The following CALN1 variants were observed in gnomAD, a reference collection of about 807,000 sequenced individuals.
CALN1 encodes calcium-binding protein 8.
In CALN1, 17 loss-of-function variants were observed where a neutral mutation model predicts 30.6. That is an observed-to-expected ratio of 0.56 (90% CI 0.38 to 0.83). The LOEUF (loss-of-function observed/expected upper bound fraction) is 0.83, where lower values mean the gene tolerates loss of function less well. Ranked by LOEUF, CALN1 falls within the 40% of genes least tolerant of loss-of-function variation. The probability of loss-of-function intolerance (pLI) is 0.00; values close to 1 mark genes in which losing one functional copy is unlikely to be tolerated. For missense variants in CALN1, 291 were observed against 354.9 expected, an observed-to-expected ratio of 0.82 and a Z score of 1.45; for synonymous variants, 156 against 131.4, an observed-to-expected ratio of 1.19 and a Z score of -1.28.
At chr7:72,162,523 C>A (rs1788182830) in intron 3 of CALN1, among the ~76,000 whole-genome samples, 1 of 151,648 alleles carries the variant, frequency 6.6e-6, no homozygotes, top group South Asian at 2.1e-4. Flanking sequence ...CACTTGAGGA[C>A]AGGAGTTCGA....
chr7:71,963,305 G>A (rs573118961), intron 5 of CALN1, among the ~76,000 whole-genome samples: 1 of 152,196 alleles, frequency 6.6e-6, no homozygotes, highest in East Asian at 1.9e-4. Flanking sequence ...TGGGATTACA[G>A]GTGCACGCCA....
At chr7:72,015,645 T>C (rs1800336228) in intron 5 of CALN1, among the ~76,000 whole-genome samples, 1 of 152,130 alleles carries the variant, frequency 6.6e-6, no homozygotes, top group Non-Finnish European at 1.5e-5. Flanking sequence ...GGTTTTGCTA[T>C]GTTGCCCATA....
intron 4 of CALN1, among the ~76,000 whole-genome samples, chr7:72,036,700 GAT>G (rs1801819283): frequency 6.6e-6 from 1 of 152,012 alleles, no homozygotes; most frequent in African/African-American, 2.4e-5. Flanking sequence ...TCTCTTTACT[GAT>G]ATAAACTTAC....
chr7:71,937,317 AAAC>A (rs1336955859), intron 5 of CALN1, among the ~76,000 whole-genome samples: 5 of 151,984 alleles, frequency 3.3e-5, no homozygotes, highest in African/African-American at 9.7e-5. Flanking sequence ...TCTCAAAACA[AAAC>A]AACACCAAAA....
At chr7:71,857,918 T>C (rs1185098952) in intron 5 of CALN1, among the ~76,000 whole-genome samples, 2 of 152,192 alleles carry the variant, frequency 1.3e-5, no homozygotes, top group Admixed American at 6.5e-5. Context: ...TCTATATTTC[T>C]ATTATCAAGG....
intron 5 of CALN1, among the ~76,000 whole-genome samples, chr7:71,987,927 C>T (rs1168849720): frequency 6.6e-6 from 1 of 152,158 alleles, no homozygotes; most frequent in East Asian, 1.9e-4. Context: ...TGAGACCTCA[C>T]TCCTCGAATC....
intron 3 of CALN1, among the ~76,000 whole-genome samples, chr7:72,112,741 G>T (rs906917194): frequency 6.6e-6 from 1 of 152,182 alleles, no homozygotes; most frequent in African/African-American, 2.4e-5. Context: ...GCTGTGCCAG[G>T]ATAGATAAGT....
At position 72,359,321 on chromosome 7, in the gene CALN1, AAC is replaced by A. The variant is rs1205666203; in HGVS notation, c.119+43928_119+43929del. Among the ~76,000 whole-genome samples, 10 of 152,180 alleles carry A rather than the reference AAC, an allele frequency of 6.6e-5. No individual in the cohort carries two copies. The East Asian group carries it at 1.9e-3, about 29-fold the overall frequency. On this transcript the variant is annotated intron_variant, in intron 2 of 6. Coordinates refer to ENST00000395275, the MANE Select transcript of CALN1 (RefSeq NM_031468.4). ...TCCAATGTGAAAAACAATATTCAATAACACATCTCCCTCCCCGTTTCGTCTTC... is the reference window on the plus strand; with the variant it reads ...TCCAATGTGAAAAACAATATTCAATAACATCTCCCTCCCCGTTTCGTCTTC...
intron 3 of CALN1, among the ~76,000 whole-genome samples, chr7:72,249,959 A>AG (rs1554337555): frequency 2.0e-5 from 3 of 147,666 alleles, no homozygotes; most frequent in Non-Finnish European, 4.5e-5. Context: ...AAAAAAAAAA[A>AG]AGAGAGAGAG....
intron 1 of CALN1, among the ~76,000 whole-genome samples, chr7:72,411,124 T>C (rs1807108432): frequency 6.6e-6 from 1 of 151,986 alleles, no homozygotes. Flanking sequence ...AGAGCCTATT[T>C]ATAAGAGCAA....
chr7:72,209,218 C>G (rs1585170169), intron 3 of CALN1, among the ~76,000 whole-genome samples: 3 of 104,880 alleles, frequency 2.9e-5, no homozygotes, highest in South Asian at 3.4e-4. Flanking sequence ...CCTTCCTTCC[C>G]TCCTTCCCTC....
chr7:72,409,550 G>A (rs557530723), intron 1 of CALN1, among the ~76,000 whole-genome samples: 14 of 151,770 alleles, frequency 9.2e-5, no homozygotes, highest in East Asian at 2.0e-4. Context: ...CAACCAATCT[G>A]GTGCATGGGT....
At chr7:72,270,939 A>C (rs1447239293) in intron 3 of CALN1, among the ~76,000 whole-genome samples, 1 of 152,204 alleles carries the variant, frequency 6.6e-6, no homozygotes, top group Non-Finnish European at 1.5e-5. Context: ...GGAAGTGGAA[A>C]CTTGACCCAA....
At chr7:72,362,617 CTT>C (rs1160795854) in intron 2 of CALN1, among the ~76,000 whole-genome samples, 1 of 152,206 alleles carries the variant, frequency 6.6e-6, no homozygotes, top group Non-Finnish European at 1.5e-5. Flanking sequence ...ATCTCACACT[CTT>C]TTACCGCAAG....
chr7:72,205,582 A>ATATATATATATATATATATATATATG (rs1554319695), intron 3 of CALN1, among the ~76,000 whole-genome samples: 1 of 132,692 alleles, frequency 7.5e-6, no homozygotes. Context: ...ATATATATAT[A>ATATATATATATATATATATATATATG]TATATTCAGG....
intron 3 of CALN1, among the ~76,000 whole-genome samples, chr7:72,179,311 TTC>T (rs1334459785): frequency 6.6e-6 from 1 of 152,216 alleles, no homozygotes; most frequent in East Asian, 1.9e-4. Context: ...AGATTAAAAG[TTC>T]TTTTTTAAAT....
At chr7:71,817,759 C>A (rs1418071276) in intron 5 of CALN1, among the ~76,000 whole-genome samples, 1 of 152,184 alleles carries the variant, frequency 6.6e-6, no homozygotes. Context: ...TGTAATCCAC[C>A]TGCCTTGGCC....
intron 5 of CALN1, among the ~76,000 whole-genome samples, chr7:71,842,762 C>A (rs969561651): frequency 2.0e-5 from 3 of 152,196 alleles, no homozygotes; most frequent in African/African-American, 7.2e-5. Context: ...ACTATTAGTA[C>A]TTCCATAAGT....
chr7:72,224,941 A>C (rs1793563803), intron 3 of CALN1, among the ~76,000 whole-genome samples: 1 of 151,676 alleles, frequency 6.6e-6, no homozygotes, highest in Non-Finnish European at 1.5e-5. Context: ...ACACACACAA[A>C]AAAAAAATTA....
Sources: gnomAD v4.1 joint callset for allele counts (sites outside exome capture counted in the v4.1 genomes callset) on GRCh38, gnomAD v4.1.1 for gene constraint, MANE v1.5 for transcripts, NCBI Gene and HGNC (gene_info 2026-07-23, HGNC 2026-07-21) for gene names.